DNAI2: variants seen among roughly 807,000 people sequenced by gnomAD.
DNAI2 encodes dynein axonemal intermediate chain 2, also known as dynein, axonemal, intermediate polypeptide 2.
In DNAI2, 63 loss-of-function variants were observed where a neutral mutation model predicts 74.7. The ratio of observed to expected loss-of-function variants is 0.84; its 90% CI spans 0.69 to 1.04. The LOEUF is 1.04. DNAI2 is among the 50% of genes least tolerant of loss of function. The pLI is 0.00. For synonymous variants in DNAI2, 289 were observed against 314.9 expected (o/e 0.92, Z 0.87); for missense variants, 688 against 803.2 (o/e 0.86, Z 1.73).
intron 1 of DNAI2, among the ~76,000 whole-genome samples, chr17:74,279,821 G>T (rs2143858003): frequency 6.6e-6 from 1 of 152,290 alleles, no homozygotes; most frequent in South Asian, 2.1e-4. Flanking sequence ...GAGCCACAAT[G>T]CCCGGCCTAA....
chr17:74,314,439 G>A (rs1160557045), intron 13 of DNAI2, 150 bp from the exon 14 acceptor site: 17 of 858,338 alleles, frequency 2.0e-5, no homozygotes, highest in South Asian at 1.4e-4. Context: ...GGGAAGGGGC[G>A]GGGCTTGTCC....
chr17:74,310,611 T>A (rs1024447322), intron 11 of DNAI2, among the ~76,000 whole-genome samples: 12 of 148,182 alleles, frequency 8.1e-5, no homozygotes, highest in African/African-American at 3.0e-4. Context: ...AGATCTAGGC[T>A]CACTGCAATC....
chr17:74,278,606 G>C (rs1020158331), intron 1 of DNAI2, among the ~76,000 whole-genome samples: 3 of 152,076 alleles, frequency 2.0e-5, no homozygotes, highest in Admixed American at 2.0e-4. Context: ...CAAGTCTGTG[G>C]CTTCTCTTTT....
In DNAI2 at chr17:74,293,023, C is replaced by T. The variant is rs370159896; in HGVS notation, c.724+1890C>T. On this transcript the variant is annotated intron_variant, in intron 6 of 13. Coordinates refer to ENST00000311014, the MANE Select transcript of DNAI2 (RefSeq NM_023036.6). ...TTTTTGTATTTTTTTTTAGTAGAGA[C>T]GGGGTTTCACCGTGTTAGCCAGGAT... Among the ~76,000 whole-genome samples, 21 of 151,706 alleles carry T rather than the reference C, an allele frequency of 1.4e-4. No individual in the cohort carries two copies. The East Asian group carries it at 2.0e-3, about 14-fold the overall frequency.
chr17:74,314,311 C>CT, intron 13 of DNAI2, 40 bp downstream of exon 13: 1 of 1,600,304 alleles, frequency 6.2e-7, no homozygotes, highest in Middle Eastern at 1.7e-4. Context: ...TGAGCTCCGC[C>CT]TTAAAGCAGC....
intron 6 of DNAI2, among the ~76,000 whole-genome samples, chr17:74,293,310 G>T (rs1301734069): frequency 6.6e-6 from 1 of 152,128 alleles, no homozygotes; most frequent in African/African-American, 2.4e-5. Context: ...GTCAGGTTTT[G>T]CTTCCTGTAT....
At chr17:74,303,809 T>C (rs1250800126) in intron 8 of DNAI2, among the ~76,000 whole-genome samples, 4 of 152,080 alleles carry the variant, frequency 2.6e-5, no homozygotes, top group African/African-American at 4.8e-5. Flanking sequence ...TAAAACAATA[T>C]GTTTTTTAAA....
intron 6 of DNAI2, among the ~76,000 whole-genome samples, chr17:74,293,482 C>T (rs549019570): frequency 6.6e-6 from 1 of 152,028 alleles, no homozygotes; most frequent in South Asian, 2.1e-4. Context: ...CTTTGGTTAC[C>T]ATTTGCATGG....
rs1341687454 is a variant in DNAI2, at chr17:74,274,687, G to GA, written c.-12+344dup. 7.4e-4 allele frequency among the ~76,000 whole-genome samples: 112 copies of GA among 152,098 alleles called. 1 individual carries two copies. The highest frequency in any genetic ancestry group is 2.5e-3 in the African/African-American group (103 of 41,500). On this transcript the variant is annotated intron_variant, in intron 1 of 13. Transcript: ENST00000311014. ...TACAGCTGAATGGATGGAAAAAAAAGAAGAAAAACAGCCTCCGGCTAGGGT... is the reference window on the plus strand; with the variant it reads ...TACAGCTGAATGGATGGAAAAAAAAGAAAGAAAAACAGCCTCCGGCTAGGGT...
In DNAI2 at chr17:74,302,061, AGG is replaced by A. The variant is rs1301785750; in HGVS notation, c.987+894_987+895del. 2.4e-4 allele frequency among the ~76,000 whole-genome samples: 17 copies of A among 70,686 alleles called. 1 individual carries two copies. Among genetic ancestry groups the A allele is most frequent in the Admixed American group, 6.7e-4 (6 of 8,976 alleles). 46.4% of individuals were successfully genotyped at this position (70,686 alleles called of 152,430 possible). ...AAGGAAGGAAGGAAGGAAGGAAGGAAGGAAGGAAAGAAGGAAGGAAGGAAGGA... is the reference window on the plus strand; with the variant it reads ...AAGGAAGGAAGGAAGGAAGGAAGGAAAAGGAAAGAAGGAAGGAAGGAAGGA... On this transcript the variant is annotated intron_variant, in intron 8 of 13. Transcript: ENST00000311014.
At position 74,291,533 on chromosome 17, in the gene DNAI2, G is replaced by A. The variant is rs576756991; in HGVS notation, c.724+400G>A. 2.6e-5 allele frequency among the ~76,000 whole-genome samples: 4 copies of A among 152,278 alleles called. No homozygotes were observed. In the South Asian group the frequency reaches 6.2e-4, roughly 24 times the overall value. On this transcript the variant is annotated intron_variant, in intron 6 of 13. Coordinates refer to ENST00000311014, the MANE Select transcript of DNAI2 (RefSeq NM_023036.6). ...AGAGCCCACATGGCAGCCTGGGCTCGGCCACAGAAGACTAAGTGGGGTGAG... is the reference window on the plus strand; with the variant it reads ...AGAGCCCACATGGCAGCCTGGGCTCAGCCACAGAAGACTAAGTGGGGTGAG...
At chr17:74,303,684 C>A (rs2052995091) in intron 8 of DNAI2, among the ~76,000 whole-genome samples, 1 of 151,560 alleles carries the variant, frequency 6.6e-6, no homozygotes, top group African/African-American at 2.4e-5. Context: ...CCTCTGCCTC[C>A]CAGGTTCAAG....
intron 4 of DNAI2, among the ~76,000 whole-genome samples, 166 bp from the exon 5 acceptor site, chr17:74,289,419 CGGGAGGCTG>C (rs981721680): frequency 6.6e-6 from 1 of 151,368 alleles, no homozygotes; most frequent in African/African-American, 2.4e-5. Flanking sequence ...CGTAGCTACT[CGGGAGGCTG>C]AGGCAGGAGA....
At chr17:74,307,142 T>C (rs1272676393) in intron 9 of DNAI2, 3 of 432,880 alleles carry the variant, frequency 6.9e-6, no homozygotes, top group African/African-American at 4.1e-5. Flanking sequence ...TCATAGCAAG[T>C]AGGGGGTTCC....
At chr17:74,314,377 T>A in intron 13 of DNAI2, 106 bp downstream of exon 13, 1 of 1,393,792 alleles carries the variant, frequency 7.2e-7, no homozygotes, top group Non-Finnish European at 1.0e-6. Context: ...TACAAATCAC[T>A]AGCCCCCACT....
chr17:74,278,713 G>T (rs2051225350), intron 1 of DNAI2, among the ~76,000 whole-genome samples: 1 of 151,718 alleles, frequency 6.6e-6, no homozygotes, highest in South Asian at 2.1e-4. Flanking sequence ...GGAGGCGGAG[G>T]TTGCAGTGAG....
In DNAI2 at chr17:74,309,279, C is replaced by T. The variant is rs1429438979; in HGVS notation, c.1238C>T (p.Ala413Val). ...TKYHMAYLTD[A>V]AWSPVRPTVF... ...TACCACATGGCTTACCTCACTGATG[C>T]TGCCTGGAGCCCCGTGAGGCCGACC... The change falls in exon 10 of 14, where the codon GCT (alanine) becomes GTT (valine). Residue 413 changes from alanine (A) to valine (V), a missense_variant. Coordinates refer to ENST00000311014, the MANE Select transcript of DNAI2 (RefSeq NM_023036.6). 6.2e-7 allele frequency: 1 copy of T among 1,614,116 alleles called. No individual in the cohort carries two copies. Among genetic ancestry groups the T allele is most frequent in the Non-Finnish European group, 8.5e-7 (1 of 1,180,018 alleles).
At chr17:74,302,070 A>AGAAGGAAG (rs1160792899) in intron 8 of DNAI2, among the ~76,000 whole-genome samples, 3 of 6,932 alleles carry the variant, frequency 4.3e-4, no homozygotes, top group African/African-American at 7.3e-4. Context: ...AAGGAAGGAA[A>AGAAGGAAG]GAAGGAAGGA....
At chr17:74,294,074 C>A (rs1038405237) in intron 6 of DNAI2, among the ~76,000 whole-genome samples, 1 of 152,050 alleles carries the variant, frequency 6.6e-6, no homozygotes, top group South Asian at 2.1e-4. Context: ...TGAGCCACCA[C>A]GCCCAGCTTG....
Sources: gnomAD v4.1 joint callset for allele counts (sites outside exome capture counted in the v4.1 genomes callset) on GRCh38, gnomAD v4.1.1 for gene constraint, MANE v1.5 for transcripts, NCBI Gene and HGNC (gene_info 2026-07-23, HGNC 2026-07-21) for gene names.